AGTRAP: variants seen among roughly 807,000 people sequenced by gnomAD.
AGTRAP encodes the protein angiotensin II receptor associated protein, also known as type-1 angiotensin II receptor-associated protein.
A neutral mutation model predicts 15.2 loss-of-function variants in AGTRAP; 7 were observed. The observed-to-expected ratio is 0.46, with a 90% CI of 0.26 to 0.87. The LOEUF (loss-of-function observed/expected upper bound fraction) is 0.87, where lower values mean the gene tolerates loss of function less well. Among genes scored for constraint, AGTRAP ranks in the 40% least tolerant of loss-of-function variants. AGTRAP has a pLI of 0.15. For missense variants in AGTRAP, 187 were observed against 213.4 expected (o/e 0.88, Z 0.77); for synonymous variants, 74 against 89.6 (o/e 0.83, Z 0.98).
At chr1:11,746,446 CT>C (rs765474193) in intron 2 of AGTRAP, 6 of 507,180 alleles carry the variant, frequency 1.2e-5, no homozygotes, top group African/African-American at 1.9e-5. Context: ...GCATGTTACA[CT>C]TTAGTGAATG....
chr1:11,736,245 G>C lies in AGTRAP; in HGVS notation c.27+10G>C. 6.2e-7 allele frequency: 1 copy of C among 1,607,028 alleles called. No homozygotes were observed. The highest frequency in any genetic ancestry group is 8.5e-7 in the Non-Finnish European group (1 of 1,177,380). On this transcript the variant is annotated intron_variant, in intron 1 of 4. Coordinates refer to ENST00000314340, the MANE Select transcript of AGTRAP (RefSeq NM_020350.5). ...TGCTGTGAACCTGAAGGTGGCGACG[G>C]GCTGGGGGGAGGGTCCCCTTTGCGG...
At chr1:11,742,891 C>T (rs1453278504) in intron 1 of AGTRAP, among the ~76,000 whole-genome samples, 1 of 152,228 alleles carries the variant, frequency 6.6e-6, no homozygotes, top group African/African-American at 2.4e-5. Flanking sequence ...CCAGAAACCC[C>T]GGCCTTCTTC....
At chr1:11,740,107 G>A (rs1641992854) in intron 1 of AGTRAP, among the ~76,000 whole-genome samples, 1 of 152,174 alleles carries the variant, frequency 6.6e-6, no homozygotes, top group Admixed American at 6.5e-5. Flanking sequence ...TCCTGGCCCT[G>A]CCACCCGTTT....
At chr1:11,740,833 T>C (rs1052497215) in intron 1 of AGTRAP, among the ~76,000 whole-genome samples, 1 of 152,026 alleles carries the variant, frequency 6.6e-6, no homozygotes, top group Non-Finnish European at 1.5e-5. Flanking sequence ...TAGGTGTCGA[T>C]TTTGGGGAGG....
Position 11,746,251 on chromosome 1 carries a change from G to T in AGTRAP, c.62+414G>T, listed in dbSNP as rs536917850. ...GAGTAATGTGAACTGTAACCATCAT[G>T]ATTCACGACCTTGAGAAGCAGGGCC... On this transcript the variant is annotated intron_variant, in intron 2 of 4. Coordinates refer to ENST00000314340, the MANE Select transcript of AGTRAP (RefSeq NM_020350.5). 3.1e-5 allele frequency: 48 copies of T among 1,556,382 alleles called. 2 individuals carry two copies. The South Asian group carries it at 4.3e-4, about 14-fold the overall frequency.
Position 11,749,667 on chromosome 1 carries a change from G to A in AGTRAP, c.365-410G>A, listed in dbSNP as rs17875958. Among the ~76,000 whole-genome samples, 1,066 of 152,298 alleles carry A rather than the reference G, an allele frequency of 7.0e-3. 20 individuals are homozygous for A. The highest frequency in any genetic ancestry group is 0.023 in the African/African-American group (966 of 41,564). ...AGGGGAGCTGGAGAGGAGTGCGTGG[G>A]CCCGGGGCTGATGTCCCTCTGCCCA... On this transcript the variant is annotated intron_variant, in intron 4 of 4. Transcript: ENST00000314340.
Position 11,745,858 on chromosome 1 carries a change from CT to C in AGTRAP, c.62+23del, listed in dbSNP as rs17875937. The C allele has an allele frequency of 8.2e-3, 13,262 of 1,613,998 alleles. 389 individuals are homozygous for C. Among genetic ancestry groups the C allele is most frequent in the East Asian group, 0.062 (2,788 of 44,866 alleles). On this transcript the variant is annotated intron_variant, in intron 2 of 4. Coordinates refer to ENST00000314340, the MANE Select transcript of AGTRAP (RefSeq NM_020350.5). The surrounding 1 kb of genome is among the most constrained non-coding windows in gnomAD (Gnocchi z 4.2). ...ACCTGGTAAGTGACTCTGTGGGTAT[CT>C]TGTGTGTCTCCTGCGGTCTCAGGGT...
chr1:11,741,688 C>T (rs990448505), intron 1 of AGTRAP, among the ~76,000 whole-genome samples: 5 of 152,222 alleles, frequency 3.3e-5, no homozygotes, highest in African/African-American at 4.8e-5. Context: ...TCCTTCTGAG[C>T]CTCAGTTTTC....
chr1:11,749,564 C>T lies in AGTRAP; in HGVS notation c.365-513C>T, dbSNP rs544924473. On this transcript the variant is annotated intron_variant, in intron 4 of 4. Coordinates refer to ENST00000314340, the MANE Select transcript of AGTRAP (RefSeq NM_020350.5). Reference sequence around the variant, plus strand: ...AGTGAGGCATGTGGCGTACTCGGAGCCCTACGGCCCTGCCTTGGACCCAGC... The same window carrying T: ...AGTGAGGCATGTGGCGTACTCGGAGTCCTACGGCCCTGCCTTGGACCCAGC... Among the ~76,000 whole-genome samples the T allele has an allele frequency of 5.3e-5, 8 of 152,372 alleles. No homozygotes were observed. The East Asian group carries it at 1.5e-3, about 29-fold the overall frequency.
chr1:11,747,960 C>T (rs758326975), intron 3 of AGTRAP, among the ~76,000 whole-genome samples: 2 of 152,178 alleles, frequency 1.3e-5, no homozygotes, highest in African/African-American at 2.4e-5. Context: ...CCTGCCCCAC[C>T]GAAACCTCCC....
intron 1 of AGTRAP, among the ~76,000 whole-genome samples, chr1:11,738,907 AGTC>A (rs1417924830): frequency 1.5e-4 from 23 of 152,186 alleles, no homozygotes; most frequent in African/African-American, 5.5e-4. Context: ...ATTTCTGGGA[AGTC>A]CTACCCCGCC....
rs534973350 is a variant in AGTRAP, at chr1:11,741,805, T to C, written c.28-3998T>C. Among the ~76,000 whole-genome samples the C allele has an allele frequency of 1.4e-3, 216 of 152,344 alleles. 3 individuals carry two copies. Among genetic ancestry groups the C allele is most frequent in the African/African-American group, 4.4e-3 (181 of 41,580 alleles). ...CACCTAGCACATAGGAAGCGCTCAA[T>C]AGTAGACGAAGGTAGGTGAGGTGAT... On this transcript the variant is annotated intron_variant, in intron 1 of 4. Transcript: ENST00000314340.
chr1:11,740,061 G>A (rs1368222965), intron 1 of AGTRAP, among the ~76,000 whole-genome samples: 1 of 152,164 alleles, frequency 6.6e-6, no homozygotes, highest in Non-Finnish European at 1.5e-5. Context: ...AGAGTCCAGG[G>A]GCTCAGGTCC....
chr1:11,740,327 C>T (rs755814657), intron 1 of AGTRAP, among the ~76,000 whole-genome samples: 6 of 152,196 alleles, frequency 3.9e-5, no homozygotes, highest in Non-Finnish European at 8.8e-5. Flanking sequence ...TAAGGCCTCT[C>T]TGGGTGTCCT....
intron 2 of AGTRAP, 41 bp from the exon 3 acceptor site, chr1:11,747,399 G>A (rs1188613358): frequency 1.3e-6 from 2 of 1,576,696 alleles, no homozygotes; most frequent in African/African-American, 1.3e-5. Flanking sequence ...GACCTGCGGG[G>A]TGGTGGCCTC....
intron 1 of AGTRAP, among the ~76,000 whole-genome samples, chr1:11,742,503 C>G (rs2100767794): frequency 6.7e-6 from 1 of 148,886 alleles, no homozygotes; most frequent in Middle Eastern, 3.4e-3. Context: ...TTTCTTCCTT[C>G]TCTTTCTCTC....
rs551891913 is a variant in AGTRAP at position 11,749,162 on chromosome 1, C to T, written c.364+552C>T. 3.9e-5 allele frequency among the ~76,000 whole-genome samples: 6 copies of T among 152,360 alleles called. No individual in the cohort carries two copies. In the East Asian group the frequency reaches 1.2e-3, roughly 29 times the overall value. On this transcript the variant is annotated intron_variant, in intron 4 of 4. Coordinates refer to ENST00000314340, the MANE Select transcript of AGTRAP (RefSeq NM_020350.5). ...CCCTCCCCACTCACCCAGCCTTACA[C>T]CTGCCCTCTCCCACGCCCTCTCTGA...
At chr1:11,747,736 G>C (rs981297563) in intron 3 of AGTRAP, among the ~76,000 whole-genome samples, 191 bp downstream of exon 3, 2 of 152,358 alleles carry the variant, frequency 1.3e-5, no homozygotes, top group Admixed American at 6.5e-5. Context: ...CCAGCCTGCT[G>C]CTCTTCTTGT....
chr1:11,742,398 G>A (rs1424879655), intron 1 of AGTRAP, among the ~76,000 whole-genome samples: 1 of 152,154 alleles, frequency 6.6e-6, no homozygotes, highest in African/African-American at 2.4e-5. Flanking sequence ...GAGTTTGTCT[G>A]TCTTTCTTTT....
Sources: gnomAD v4.1 joint callset for allele counts (sites outside exome capture counted in the v4.1 genomes callset) on GRCh38, gnomAD v4.1.1 for gene constraint, Gnocchi (gnomAD v3.1) non-coding constraint, MANE v1.5 for transcripts, NCBI Gene and HGNC (gene_info 2026-07-23, HGNC 2026-07-21) for gene names.